SYNDIG1: variants seen among roughly 807,000 people sequenced by gnomAD.
The protein encoded by SYNDIG1 is synapse differentiation-inducing gene protein 1.
In SYNDIG1, 9 loss-of-function variants were observed where a neutral mutation model predicts 19.4. That is an observed-to-expected ratio of 0.46 (90% CI 0.28 to 0.81). The LOEUF is 0.81. Among genes scored for constraint, SYNDIG1 ranks in the 30% least tolerant of loss-of-function variants. SYNDIG1 has a pLI of 0.12. For missense variants in SYNDIG1, 311 were observed against 343.3 expected (o/e 0.91, Z 0.74); for synonymous variants, 141 against 145.9 (o/e 0.97, Z 0.24).
chr20:24,631,421 G>A (rs1374050107), intron 3 of SYNDIG1, among the ~76,000 whole-genome samples: 1 of 152,212 alleles, frequency 6.6e-6, no homozygotes, highest in Non-Finnish European at 1.5e-5. Context: ...ACCTGCGGGC[G>A]CGACGGCCTC....
intron 3 of SYNDIG1, among the ~76,000 whole-genome samples, chr20:24,621,091 C>G (rs1271119506): frequency 6.6e-6 from 1 of 152,130 alleles, no homozygotes; most frequent in Non-Finnish European, 1.5e-5. Flanking sequence ...TAAATGATAG[C>G]ATTAAATATT....
At chr20:24,562,595 C>A (rs2057967876) in intron 2 of SYNDIG1, among the ~76,000 whole-genome samples, 1 of 152,124 alleles carries the variant, frequency 6.6e-6, no homozygotes, top group Non-Finnish European at 1.5e-5. Context: ...GAAAGAATCT[C>A]CCAGATAATA....
chr20:24,620,441 C>G (rs148058237), intron 3 of SYNDIG1, among the ~76,000 whole-genome samples: 1 of 152,210 alleles, frequency 6.6e-6, no homozygotes, highest in Non-Finnish European at 1.5e-5. Flanking sequence ...TTTAAACAAG[C>G]CATCCATAGG....
At chr20:24,583,632 G>A (rs1444138160) in intron 2 of SYNDIG1, among the ~76,000 whole-genome samples, 1 of 152,202 alleles carries the variant, frequency 6.6e-6, no homozygotes, top group African/African-American at 2.4e-5. Flanking sequence ...ACAGACAGGA[G>A]GCACCCTCTG....
intron 3 of SYNDIG1, among the ~76,000 whole-genome samples, chr20:24,641,009 C>T (rs1248358968): frequency 6.6e-6 from 1 of 152,232 alleles, no homozygotes; most frequent in African/African-American, 2.4e-5. Flanking sequence ...TCTGCCCTTC[C>T]TGTCCTAGCT....
chr20:24,571,399 C>T (rs2146942991), intron 2 of SYNDIG1, among the ~76,000 whole-genome samples: 1 of 152,232 alleles, frequency 6.6e-6, no homozygotes, highest in Non-Finnish European at 1.5e-5. Flanking sequence ...ACTCTCTGTT[C>T]TATCTTTGCA....
At chr20:24,585,056 G>GCGCCCCCCC in intron 3 of SYNDIG1, 63 bp downstream of exon 3, 1 of 545,664 alleles carries the variant, frequency 1.8e-6, no homozygotes, top group East Asian at 5.0e-5. Flanking sequence ...GGTGGGGGCG[G>GCGCCCCCCC]CAATCCCAGC....
At chr20:24,500,760 A>G (rs750057106) in intron 1 of SYNDIG1, among the ~76,000 whole-genome samples, 1 of 152,136 alleles carries the variant, frequency 6.6e-6, no homozygotes, top group Admixed American at 6.6e-5. Context: ...AGCCATGTCC[A>G]TTGGAATATC....
At chr20:24,492,991 GA>G in intron 1 of SYNDIG1, among the ~76,000 whole-genome samples, 1 of 152,346 alleles carries the variant, frequency 6.6e-6, no homozygotes, top group East Asian at 1.9e-4. Flanking sequence ...CTGGAGAAGA[GA>G]AAATCTACAA....
intron 2 of SYNDIG1, among the ~76,000 whole-genome samples, chr20:24,554,700 G>A (rs1419540851): frequency 3.3e-5 from 5 of 151,752 alleles, no homozygotes; most frequent in African/African-American, 9.7e-5. Flanking sequence ...GCTGGATTCG[G>A]TTTGCCAGTA....
chr20:24,656,806 C>T (rs1327696235), intron 3 of SYNDIG1, among the ~76,000 whole-genome samples: 2 of 152,242 alleles, frequency 1.3e-5, no homozygotes, highest in African/African-American at 4.8e-5. Flanking sequence ...TTCTCCCTGG[C>T]CAGGGCCAGA....
chr20:24,525,909 T>C (rs1044017329), intron 1 of SYNDIG1, among the ~76,000 whole-genome samples: 2 of 152,216 alleles, frequency 1.3e-5, no homozygotes, highest in Non-Finnish European at 2.9e-5. Context: ...ATAAATGGAT[T>C]ATGTACATGG....
chr20:24,612,650 C>T (rs1361823299), intron 3 of SYNDIG1, among the ~76,000 whole-genome samples: 2 of 152,200 alleles, frequency 1.3e-5, no homozygotes, highest in East Asian at 1.9e-4. Context: ...TATATCTTAA[C>T]TCAGAAATAT....
chr20:24,510,537 C>G (rs982138004), intron 1 of SYNDIG1, among the ~76,000 whole-genome samples: 1 of 146,614 alleles, frequency 6.8e-6, no homozygotes, highest in South Asian at 2.1e-4. Context: ...CCATTGCACT[C>G]TGGTCTGGGT....
intron 3 of SYNDIG1, among the ~76,000 whole-genome samples, chr20:24,586,665 G>A (rs958331218): frequency 1.3e-5 from 2 of 152,194 alleles, no homozygotes; most frequent in Non-Finnish European, 1.5e-5. Context: ...CCAGCCCTGC[G>A]TCATCTCCAT....
At chr20:24,516,251 C>T (rs766576884) in intron 1 of SYNDIG1, among the ~76,000 whole-genome samples, 12 of 152,182 alleles carry the variant, frequency 7.9e-5, no homozygotes, top group Non-Finnish European at 1.5e-4. Context: ...CTAGGCAATA[C>T]CATTCAGGAC....
At chr20:24,608,217 G>T (rs1266531878) in intron 3 of SYNDIG1, among the ~76,000 whole-genome samples, 1 of 145,628 alleles carries the variant, frequency 6.9e-6, no homozygotes, top group East Asian at 2.0e-4. Flanking sequence ...AGACAGTCTC[G>T]CTCTGTCACC....
intron 3 of SYNDIG1, among the ~76,000 whole-genome samples, chr20:24,639,992 A>G (rs1238563574): frequency 6.6e-6 from 1 of 152,186 alleles, no homozygotes; most frequent in Admixed American, 6.5e-5. Flanking sequence ...ATAACACTAC[A>G]TATTTTTTCA....
intron 1 of SYNDIG1, among the ~76,000 whole-genome samples, chr20:24,525,213 T>C (rs1228498289): frequency 6.6e-6 from 1 of 151,928 alleles, no homozygotes; most frequent in Non-Finnish European, 1.5e-5. Context: ...GTATCAACTT[T>C]TATATGATTT....
Sources: gnomAD v4.1 joint callset for allele counts (sites outside exome capture counted in the v4.1 genomes callset) on GRCh38, gnomAD v4.1.1 for gene constraint, MANE v1.5 for transcripts, NCBI Gene and HGNC (gene_info 2026-07-23, HGNC 2026-07-21) for gene names.